DDHD1: variants seen among roughly 807,000 people sequenced by gnomAD.
DDHD1 encodes DDHD domain containing 1, also known as phospholipase DDHD1.
Under a neutral mutation model 96.4 loss-of-function variants are expected in DDHD1, and 49 were observed. The ratio of observed to expected loss-of-function variants is 0.51; its 90% CI spans 0.40 to 0.64. The LOEUF (loss-of-function observed/expected upper bound fraction) is 0.64, where lower values mean the gene tolerates loss of function less well. Ranked by LOEUF, DDHD1 falls within the 30% of genes least tolerant of loss-of-function variation. DDHD1 has a pLI of 0.00. For missense variants in DDHD1, 1,106 were observed against 1,161.2 expected, an observed-to-expected ratio of 0.95 and a Z score of 0.69; for synonymous variants, 442 against 446.5, an observed-to-expected ratio of 0.99 and a Z score of 0.13.
intron 4 of DDHD1, among the ~76,000 whole-genome samples, chr14:53,077,435 TA>T (rs1885068326): frequency 1.3e-5 from 2 of 152,322 alleles, no homozygotes; most frequent in African/African-American, 4.8e-5. Context: ...GAGGCACAGT[TA>T]ATCTAGAAAA....
At chr14:53,080,717 C>CTTT (rs1555334173) in intron 4 of DDHD1, among the ~76,000 whole-genome samples, 2 of 89,506 alleles carry the variant, frequency 2.2e-5, no homozygotes, top group African/African-American at 1.0e-4. Flanking sequence ...TTCCTTCCCC[C>CTTT]TTTTTTTTTT....
chr14:53,103,843 T>C lies in DDHD1; in HGVS notation c.852A>G (p.Ile284Met). 6.3e-7 allele frequency: 1 copy of C among 1,597,106 alleles called. No homozygotes were observed. Among genetic ancestry groups the C allele is most frequent in the South Asian group, 1.1e-5 (1 of 87,558 alleles). The change falls in exon 2 of 13, where the codon ATA becomes ATG. Residue 284 changes from isoleucine to methionine, a missense_variant. Physicochemically the swap from Ile to Met is conservative, Grantham distance 10 (BLOSUM62 1). Coordinates refer to ENST00000673822, the MANE Select transcript of DDHD1 (RefSeq NM_001160148.2). ...YPVYWNQADK[I>M]PVMRGQWFID... ...TAAACCACTGTCCACGCATTACTGG[T>C]ATTTTATCAGCCTCTGAAAAAGAGA...
At chr14:53,151,664 G>A (rs1248937749) in intron 1 of DDHD1, among the ~76,000 whole-genome samples, 1 of 152,176 alleles carries the variant, frequency 6.6e-6, no homozygotes. Flanking sequence ...TGTAAATGAG[G>A]ACCTAAGAGA....
intron 2 of DDHD1, among the ~76,000 whole-genome samples, chr14:53,102,681 A>C (rs1331259207): frequency 1.3e-5 from 2 of 152,040 alleles, no homozygotes; most frequent in Non-Finnish European, 2.9e-5. Flanking sequence ...AAAGAGTGGC[A>C]GAGAGAAAAA....
rs538182918 is a variant in DDHD1 at position 53,100,239 on chromosome 14, GC to G, written c.1012+3443del. Among the ~76,000 whole-genome samples the G allele has an allele frequency of 5.3e-5, 8 of 152,182 alleles. No homozygotes were observed. The South Asian group carries it at 1.7e-3, about 32-fold the overall frequency. ...CCTGTAATCCTGGCACTTTGTGGGG[GC>G]TGAAGCAGGAGGAACACTTGAGCCC... On this transcript the variant is annotated intron_variant, in intron 2 of 12. Transcript: ENST00000673822.
chr14:53,090,025 A>C (rs188504997), intron 4 of DDHD1, among the ~76,000 whole-genome samples: 4 of 152,350 alleles, frequency 2.6e-5, no homozygotes, highest in Admixed American at 2.6e-4. Context: ...ACAAATTGAC[A>C]AGAAAAAGTC....
chr14:53,080,923 C>T (rs1885419151), intron 4 of DDHD1, among the ~76,000 whole-genome samples: 1 of 152,026 alleles, frequency 6.6e-6, no homozygotes, highest in Non-Finnish European at 1.5e-5. Flanking sequence ...AAATGTGATC[C>T]AATTGAAATT....
Position 53,040,453 on chromosome 14 carries a change from T to C in DDHD1, c.*6315A>G, listed in dbSNP as rs1440148025. 1.3e-5 allele frequency: 2 copies of C among 152,084 alleles called. No homozygotes were observed. Among genetic ancestry groups the C allele is most frequent in the African/African-American group, 4.8e-5 (2 of 41,404 alleles). The allele number at this position is 152,084 out of a possible 1,614,324, so 9.4% of individuals were successfully genotyped here. ...ATGCTTAGAACAGCCTAGTCTGAGG[T>C]TGCTCACTGTAGGGCACAACTACTT... On this transcript the variant is annotated 3_prime_UTR_variant, in exon 13 of 13. Coordinates refer to ENST00000673822, the MANE Select transcript of DDHD1 (RefSeq NM_001160148.2).
At chr14:53,128,976 C>G (rs563616389) in intron 1 of DDHD1, among the ~76,000 whole-genome samples, 72 of 152,176 alleles carry the variant, frequency 4.7e-4, no homozygotes, top group Non-Finnish European at 8.5e-4. Context: ...TTATAATATT[C>G]TCCCTGCCCT....
chr14:53,097,540 C>T, intron 2 of DDHD1, among the ~76,000 whole-genome samples: 1 of 151,948 alleles, frequency 6.6e-6, no homozygotes, highest in Non-Finnish European at 1.5e-5. Flanking sequence ...GACCAGGAAA[C>T]AGTTTTAAAC....
At chr14:53,147,120 T>G (rs1891049863) in intron 1 of DDHD1, among the ~76,000 whole-genome samples, 1 of 152,146 alleles carries the variant, frequency 6.6e-6, no homozygotes, top group African/African-American at 2.4e-5. Flanking sequence ...CTAGTTCTCC[T>G]CCCTGACATA....
chr14:53,123,716 T>C (rs528850511), intron 1 of DDHD1, among the ~76,000 whole-genome samples: 1 of 152,234 alleles, frequency 6.6e-6, no homozygotes, highest in East Asian at 1.9e-4. Flanking sequence ...CCAATGGGAA[T>C]AATAATGCAT....
chr14:53,087,867 T>C (rs1334420264), intron 4 of DDHD1, among the ~76,000 whole-genome samples: 2 of 151,972 alleles, frequency 1.3e-5, no homozygotes, highest in East Asian at 1.9e-4. Flanking sequence ...AATCAATGAA[T>C]CCAGGAGCTG....
chr14:53,113,683 T>G (rs1888319030), intron 1 of DDHD1, among the ~76,000 whole-genome samples: 2 of 152,192 alleles, frequency 1.3e-5, no homozygotes, highest in African/African-American at 4.8e-5. Context: ...CATGAGGGAC[T>G]GTGCTACCCA....
At chr14:53,095,671 G>C (rs971375831) in intron 2 of DDHD1, among the ~76,000 whole-genome samples, 8 of 152,084 alleles carry the variant, frequency 5.3e-5, no homozygotes, top group Admixed American at 3.9e-4. Context: ...AAATAAAAGA[G>C]CTTTTCATAA....
rs1270609308 is a variant in DDHD1 at position 53,103,680 on chromosome 14, T to C, written c.1012+3A>G. 1 of 1,606,538 alleles carries C rather than the reference T, an allele frequency of 6.2e-7. No individual in the cohort carries two copies. Among genetic ancestry groups the C allele is most frequent in the South Asian group, 1.1e-5 (1 of 89,904 alleles). On this transcript the variant is annotated splice_donor_region_variant and intron_variant, in intron 2 of 12. Coordinates refer to ENST00000673822, the MANE Select transcript of DDHD1 (RefSeq NM_001160148.2). ...ATATATTAAATGTATCAATTGATCT[T>C]ACCATCTTTTCCATCTATGGATTTT...
At chr14:53,113,604 T>C (rs987469767) in intron 1 of DDHD1, among the ~76,000 whole-genome samples, 13 of 151,372 alleles carry the variant, frequency 8.6e-5, no homozygotes, top group African/African-American at 3.2e-4. Context: ...AGCATGGTGG[T>C]GCGTCACTTC....
chr14:53,118,920 C>T (rs1888762023), intron 1 of DDHD1, among the ~76,000 whole-genome samples: 2 of 152,184 alleles, frequency 1.3e-5, no homozygotes, highest in African/African-American at 4.8e-5. Flanking sequence ...GGAGAAAGGT[C>T]AGGTTACCCA....
intron 4 of DDHD1, among the ~76,000 whole-genome samples, chr14:53,076,045 G>A (rs1256101115): frequency 6.6e-6 from 1 of 152,140 alleles, no homozygotes; most frequent in African/African-American, 2.4e-5. Flanking sequence ...TTTCATGCCT[G>A]CTAACACAAT....
Sources: gnomAD v4.1 joint callset for allele counts (sites outside exome capture counted in the v4.1 genomes callset) on GRCh38, gnomAD v4.1.1 for gene constraint, MANE v1.5 for transcripts, NCBI Gene and HGNC (gene_info 2026-07-23, HGNC 2026-07-21) for gene names.